NCAPD3: variants seen among roughly 807,000 people sequenced by gnomAD.
NCAPD3 encodes the protein non-SMC condensin II complex subunit D3.
Under a neutral mutation model 182.9 loss-of-function variants are expected in NCAPD3, and 105 were observed. That is an observed-to-expected ratio of 0.57 (90% CI 0.49 to 0.68). The LOEUF (loss-of-function observed/expected upper bound fraction) is 0.68, where lower values mean the gene tolerates loss of function less well. Among genes scored for constraint, NCAPD3 ranks in the 30% least tolerant of loss-of-function variants. NCAPD3 has a pLI of 0.00. For synonymous variants in NCAPD3, 815 were observed against 679.9 expected, an observed-to-expected ratio of 1.20 and a Z score of -3.09; for missense variants, 1,944 against 1,837.0, an observed-to-expected ratio of 1.06 and a Z score of -1.07.
rs1943202938 is a variant in NCAPD3, at chr11:134,150,837, G to A, written c.*2107C>T. 1 of 152,192 alleles carries A rather than the reference G, an allele frequency of 6.6e-6. No individual in the cohort carries two copies. Among genetic ancestry groups the A allele is most frequent in the African/African-American group, 2.4e-5 (1 of 41,448 alleles). 9.4% of individuals were successfully genotyped at this position (152,192 alleles called of 1,614,324 possible). A position where few individuals can be genotyped will look rare whatever the true frequency, so the allele number is the denominator to read the frequency against. Reference sequence around the variant, plus strand: ...ACAAACCATGATGGAGTGGCGGCCAGTCCAGCCTTTTAAAGAACGTCAGGT... The same window carrying A: ...ACAAACCATGATGGAGTGGCGGCCAATCCAGCCTTTTAAAGAACGTCAGGT... On this transcript the variant is annotated 3_prime_UTR_variant, in exon 35 of 35. Coordinates refer to ENST00000534548, the MANE Select transcript of NCAPD3 (RefSeq NM_015261.3).
In NCAPD3 at chr11:134,163,966, G is replaced by A. The variant is rs528081567; in HGVS notation, c.3574-2075C>T. Among the ~76,000 whole-genome samples, 6 of 152,052 alleles carry A rather than the reference G, an allele frequency of 3.9e-5. No individual in the cohort carries two copies. The South Asian group carries it at 1.0e-3, about 26-fold the overall frequency. ...GACAGAAAGAAACCAGAAACAGAAA[G>A]GGTGGTAAGGAAACCATGGAAATGG... On this transcript the variant is annotated intron_variant, in intron 27 of 34. Coordinates refer to ENST00000534548, the MANE Select transcript of NCAPD3 (RefSeq NM_015261.3).
At chr11:134,166,773 TGGGGG>T in intron 27 of NCAPD3, among the ~76,000 whole-genome samples, 1 of 83,902 alleles carries the variant, frequency 1.2e-5, no homozygotes, top group Non-Finnish European at 2.2e-5. Flanking sequence ...GAGATGAGCT[TGGGGG>T]AGGCGCACAC....
chr11:134,220,714 G>C lies in NCAPD3; in HGVS notation c.77C>G (p.Thr26Arg). 1 of 1,612,940 alleles carries C rather than the reference G, an allele frequency of 6.2e-7. No individual in the cohort carries two copies. The highest frequency in any genetic ancestry group is 1.1e-5 in the South Asian group (1 of 90,988). The change falls in exon 2 of 35, where the codon ACA (threonine) becomes AGA (arginine). Residue 26 changes from threonine (T) to arginine (R), a missense_variant. Thr to Arg is a moderately conservative substitution (Grantham distance 71). Around this residue, in one of 3 missense-constraint regions of NCAPD3, gnomAD observed 131 missense variants for 133.9 expected, o/e 0.98. Coordinates refer to ENST00000534548, the MANE Select transcript of NCAPD3 (RefSeq NM_015261.3). ...CTCTGTGAAATCCAGTTCCCACACT[G>C]TGTCAACCCATTCTAGGGGAAAATG... ...PLDLRLEWVDTVWELDFTETE... is the reference protein window; with the variant it reads ...PLDLRLEWVDRVWELDFTETE...
intron 3 of NCAPD3, 133 bp downstream of exon 3, chr11:134,216,803 G>T (rs145672187): frequency 1.2e-6 from 1 of 821,256 alleles, no homozygotes; most frequent in Non-Finnish European, 1.8e-6. Context: ...CTTGCTCCTC[G>T]CAACAACTCT....
intron 14 of NCAPD3, 50 bp downstream of exon 14, chr11:134,194,615 T>G (rs780904474): frequency 3.0e-6 from 4 of 1,334,978 alleles, no homozygotes; most frequent in African/African-American, 3.0e-5. Flanking sequence ...TCCTTTGCAT[T>G]TCCAAGTTTT....
intron 3 of NCAPD3, among the ~76,000 whole-genome samples, chr11:134,212,944 G>C (rs1236444906): frequency 2.0e-5 from 3 of 152,090 alleles, no homozygotes; most frequent in African/African-American, 7.2e-5. Flanking sequence ...AAAAATGGCA[G>C]AAACCCAGCT....
chr11:134,172,840 G>T (rs185677170), intron 24 of NCAPD3, among the ~76,000 whole-genome samples: 16 of 152,048 alleles, frequency 1.1e-4, no homozygotes, highest in African/African-American at 3.9e-4. Flanking sequence ...GAGCAGCATC[G>T]TGAGAACCTA....
chr11:134,161,069 A>T (rs1297875016), intron 28 of NCAPD3, among the ~76,000 whole-genome samples: 2 of 152,092 alleles, frequency 1.3e-5, no homozygotes, highest in South Asian at 2.1e-4. Context: ...ATAAAAAGCT[A>T]TTTGAAAATT....
At chr11:134,159,855 G>T (rs765443763) in intron 29 of NCAPD3, 37 bp downstream of exon 29, 1 of 1,583,052 alleles carries the variant, frequency 6.3e-7, no homozygotes, top group Non-Finnish European at 8.6e-7. Flanking sequence ...CAGCAGACTG[G>T]ACTGTCTGGT....
chr11:134,176,496 G>T, intron 23 of NCAPD3, 110 bp from the exon 24 acceptor site: 1 of 837,320 alleles, frequency 1.2e-6, no homozygotes, highest in Non-Finnish European at 2.0e-6. Context: ...CACTGGCTGA[G>T]TGCACAGGCA....
At position 134,216,990 on chromosome 11, in the gene NCAPD3, G is replaced by C. The variant is rs756301605; in HGVS notation, c.328C>G (p.Arg110Gly). The change falls in exon 3 of 35, where the codon CGA becomes GGA. Residue 110 changes from arginine (R) to glycine (G), a missense_variant. Physicochemically the swap from Arg to Gly is moderately radical, Grantham distance 125. Around this residue, in one of 3 missense-constraint regions of NCAPD3, gnomAD observed 131 missense variants for 133.9 expected, o/e 0.98. Transcript: ENST00000534548. Reference sequence around the variant, plus strand: ...CCAGCGGCATGAAGGCCATATTCTCGATACTGTACACTGACATTCTTCTTA... The same window carrying C: ...CCAGCGGCATGAAGGCCATATTCTCCATACTGTACACTGACATTCTTCTTA... The part of the protein sequence containing the change: ...VHKKNVSVQY[R>G]EYGLHAAGLY... 6.2e-7 allele frequency: 1 copy of C among 1,613,858 alleles called. No individual in the cohort carries two copies. Among genetic ancestry groups the C allele is most frequent in the Non-Finnish European group, 8.5e-7 (1 of 1,179,926 alleles).
At chr11:134,212,375 TTG>T (rs56807520) in intron 3 of NCAPD3, among the ~76,000 whole-genome samples, 1,478 of 142,998 alleles carry the variant, frequency 0.01, 7 homozygotes, top group Admixed American at 0.016. Flanking sequence ...TTTTGTTGTT[TTG>T]TGTGTGTGTG....
intron 27 of NCAPD3, among the ~76,000 whole-genome samples, chr11:134,167,500 ACT>A (rs1281106491): frequency 2.2e-5 from 3 of 137,076 alleles, no homozygotes; most frequent in Non-Finnish European, 3.1e-5. Context: ...GGAGGCGCAC[ACT>A]CGTGAGATGA....
rs1943909890 is a variant in NCAPD3 at position 134,168,072 on chromosome 11, T to C, written c.3497A>G (p.Asp1166Gly). 1 of 1,613,988 alleles carries C rather than the reference T, an allele frequency of 6.2e-7. No individual in the cohort carries two copies. Among genetic ancestry groups the C allele is most frequent in the Non-Finnish European group, 8.5e-7 (1 of 1,179,992 alleles). ...CATGTCATCTTCTTCCATAAGGAGG[T>C]CTTTGTCTGGTTTAGATCTCATTGC... is the stretch of plus-strand genomic sequence containing the variant. The part of the protein sequence containing the change: ...LLAMRSKPDK[D>G]LLMEEDDMAL... Residue 1166 changes from aspartate (D) to glycine (G), a missense_variant, in exon 27 of 35, where the codon GAC becomes GGC. Physicochemically the swap from Asp to Gly is moderately conservative, Grantham distance 94. This residue lies in a region of NCAPD3 where 1,803 missense variants were observed against 1,674.6 expected (regional missense o/e 1.08). Coordinates refer to ENST00000534548, the MANE Select transcript of NCAPD3 (RefSeq NM_015261.3).
In NCAPD3 at chr11:134,152,616, C is replaced by T; in HGVS notation, c.*328G>A. The T allele has an allele frequency of 4.7e-6, 1 of 213,220 alleles. No homozygotes were observed. The highest frequency in any genetic ancestry group is 9.2e-6 in the Non-Finnish European group (1 of 109,140). The allele number at this position is 213,220 out of a possible 1,614,324, so 13.2% of individuals were successfully genotyped here. On this transcript the variant is annotated 3_prime_UTR_variant, in exon 35 of 35. Coordinates refer to ENST00000534548, the MANE Select transcript of NCAPD3 (RefSeq NM_015261.3). ...GAGGCTTGATTTATATAAAAGAAAG[C>T]TGCAGTTTTAAAGTTGTGTTCCTTA...
intron 27 of NCAPD3, among the ~76,000 whole-genome samples, chr11:134,164,319 T>C (rs954611475): frequency 1.3e-5 from 2 of 152,218 alleles, no homozygotes; most frequent in Non-Finnish European, 2.9e-5. Context: ...AAGAGATGAC[T>C]GAGGGAGTTT....
rs367873711 is a variant in NCAPD3 at position 134,209,526 on chromosome 11, T to C, written c.568-49A>G. 24 of 1,546,142 alleles carry C rather than the reference T, an allele frequency of 1.6e-5. No individual in the cohort carries two copies. The African/African-American group carries it at 1.9e-4, about 12-fold the overall frequency. ...GTGACTGTAATAAATGCCAAACACT[T>C]TGTCCCATGGTTTTCAATTTACCCA... is the stretch of plus-strand genomic sequence containing the variant. On this transcript the variant is annotated intron_variant, in intron 4 of 34. Coordinates refer to ENST00000534548, the MANE Select transcript of NCAPD3 (RefSeq NM_015261.3).
At chr11:134,181,505 C>T (rs1944296948) in intron 19 of NCAPD3, among the ~76,000 whole-genome samples, 2 of 152,186 alleles carry the variant, frequency 1.3e-5, no homozygotes, top group Admixed American at 1.3e-4. Context: ...AATAGTAGTG[C>T]TCCTCCAAAA....
intron 2 of NCAPD3, 134 bp downstream of exon 2, chr11:134,220,438 C>T (rs1938183709): frequency 2.6e-6 from 2 of 770,506 alleles, no homozygotes; most frequent in Admixed American, 2.7e-5. Flanking sequence ...ATAAATTAAC[C>T]ACATTCTTTA....
Sources: gnomAD v4.1 joint callset for allele counts (sites outside exome capture counted in the v4.1 genomes callset) on GRCh38, gnomAD v4.1.1 for gene constraint, gnomAD v4.1.1 regional missense constraint, MANE v1.5 for transcripts, NCBI Gene and HGNC (gene_info 2026-07-23, HGNC 2026-07-21) for gene names.